The following ENOX1 variants were observed in gnomAD, a reference collection of about 807,000 sequenced individuals.
ENOX1 encodes the protein ecto-NOX disulfide-thiol exchanger 1.
ENOX1 carries 42 observed loss-of-function variants against 82.5 expected under a neutral mutation model. The observed-to-expected ratio is 0.51, with a 90% CI of 0.40 to 0.66. ENOX1 has a LOEUF of 0.66. Ranked by LOEUF, ENOX1 falls within the 30% of genes least tolerant of loss-of-function variation. The pLI is 0.00. For missense variants in ENOX1, 608 were observed against 811.6 expected (o/e 0.75, Z 3.05); for synonymous variants, 271 against 282.2 (o/e 0.96, Z 0.40).
At chr13:43,417,949 C>A (rs1279850190) in intron 3 of ENOX1, among the ~76,000 whole-genome samples, 1 of 152,182 alleles carries the variant, frequency 6.6e-6, no homozygotes, top group Non-Finnish European at 1.5e-5. Flanking sequence ...TGACTCACAC[C>A]TGTAATCCCA....
At chr13:43,565,927 A>AAT (rs2079897473) in intron 2 of ENOX1, among the ~76,000 whole-genome samples, 1 of 152,174 alleles carries the variant, frequency 6.6e-6, no homozygotes, top group Non-Finnish European at 1.5e-5. Context: ...ATAGAAAATG[A>AAT]ATCTCACTGG....
chr13:43,373,420 G>C (rs2051381181), intron 5 of ENOX1, among the ~76,000 whole-genome samples: 1 of 152,078 alleles, frequency 6.6e-6, no homozygotes, highest in African/African-American at 2.4e-5. Context: ...TTTCCTCTCT[G>C]CTTTTTCTGC....
intron 11 of ENOX1, among the ~76,000 whole-genome samples, chr13:43,312,352 T>C (rs1335335844): frequency 6.6e-6 from 1 of 152,160 alleles, no homozygotes; most frequent in Non-Finnish European, 1.5e-5. Flanking sequence ...GGCACTTCAA[T>C]AAGTCTTGAA....
intron 13 of ENOX1, among the ~76,000 whole-genome samples, chr13:43,266,339 A>G (rs373874055): frequency 6.6e-6 from 1 of 152,192 alleles, no homozygotes; most frequent in East Asian, 1.9e-4. Flanking sequence ...ATATACCACC[A>G]ATGTGTTTGA....
chr13:43,421,517 G>T (rs1267080374), intron 3 of ENOX1, among the ~76,000 whole-genome samples: 1 of 152,138 alleles, frequency 6.6e-6, no homozygotes, highest in African/African-American at 2.4e-5. Flanking sequence ...GACCATCTGT[G>T]TTTATAAAAT....
intron 2 of ENOX1, among the ~76,000 whole-genome samples, chr13:43,621,508 T>C (rs1233991494): frequency 6.6e-6 from 1 of 152,220 alleles, no homozygotes; most frequent in African/African-American, 2.4e-5. Context: ...CCTTCATATA[T>C]AATGCTTAGT....
chr13:43,510,978 G>A (rs375908506), intron 2 of ENOX1, among the ~76,000 whole-genome samples: 139 of 152,166 alleles, frequency 9.1e-4, no homozygotes, highest in Non-Finnish European at 1.8e-3. Flanking sequence ...TCCATACTGC[G>A]AACTTTTTCT....
intron 14 of ENOX1, among the ~76,000 whole-genome samples, chr13:43,258,750 C>A (rs959879510): frequency 4.6e-5 from 7 of 152,058 alleles, no homozygotes; most frequent in African/African-American, 1.7e-4. Context: ...CTGTACCACT[C>A]ATTGTGCCCC....
At chr13:43,677,113 T>A (rs2153794409) in intron 1 of ENOX1, among the ~76,000 whole-genome samples, 1 of 152,122 alleles carries the variant, frequency 6.6e-6, no homozygotes, top group Non-Finnish European at 1.5e-5. Context: ...CTTTCCCATT[T>A]TCTCATATCA....
rs143055724 is a variant in ENOX1 at position 43,509,521 on chromosome 13, C to G, written c.-218-25369G>C. 7.6e-3 allele frequency among the ~76,000 whole-genome samples: 1,152 copies of G among 152,186 alleles called. 12 individuals are homozygous for G. The highest frequency in any genetic ancestry group is 0.026 in the African/African-American group (1,081 of 41,550). ...TTTTTTGAAGCATAGTGGGATACAA[C>G]AGAATTGTCACTTAAAATTTGGAAT... On this transcript the variant is annotated intron_variant, in intron 2 of 16. Coordinates refer to ENST00000690772, the MANE Select transcript of ENOX1 (RefSeq NM_001347969.2).
At chr13:43,345,404 C>T (rs541090613) in intron 8 of ENOX1, among the ~76,000 whole-genome samples, 3 of 152,012 alleles carry the variant, frequency 2.0e-5, no homozygotes, top group Non-Finnish European at 4.4e-5. Flanking sequence ...TGAAGTGTTC[C>T]GTGTTTGCTT....
At chr13:43,637,819 A>G (rs2083471105) in intron 2 of ENOX1, among the ~76,000 whole-genome samples, 1 of 152,196 alleles carries the variant, frequency 6.6e-6, no homozygotes, top group Non-Finnish European at 1.5e-5. Flanking sequence ...TGAAAATGAC[A>G]GACACATTTC....
At chr13:43,369,696 C>G (rs2051090251) in intron 5 of ENOX1, among the ~76,000 whole-genome samples, 1 of 152,240 alleles carries the variant, frequency 6.6e-6, no homozygotes. Flanking sequence ...CTCCTCCTGT[C>G]TTGAATTTCT....
intron 5 of ENOX1, among the ~76,000 whole-genome samples, chr13:43,380,946 T>A (rs1229980891): frequency 6.6e-6 from 1 of 151,770 alleles, no homozygotes; most frequent in Non-Finnish European, 1.5e-5. Flanking sequence ...AGTAGATGAA[T>A]CCACAATTAA....
intron 5 of ENOX1, among the ~76,000 whole-genome samples, chr13:43,366,911 A>G (rs2050883954): frequency 6.6e-6 from 1 of 152,250 alleles, no homozygotes; most frequent in Non-Finnish European, 1.5e-5. Flanking sequence ...TACTCAATAA[A>G]TGGTAGCAAT....
intron 3 of ENOX1, among the ~76,000 whole-genome samples, chr13:43,423,254 G>A (rs1008377621): frequency 5.9e-5 from 9 of 151,938 alleles, no homozygotes; most frequent in African/African-American, 2.2e-4. Flanking sequence ...GTCATATGTT[G>A]TTGTTTTCTA....
chr13:43,324,486 A>G (rs559554925), intron 10 of ENOX1, among the ~76,000 whole-genome samples: 128 of 152,338 alleles, frequency 8.4e-4, no homozygotes, highest in African/African-American at 3.0e-3. Context: ...AATGTGGGAA[A>G]AAATCAAGCC....
chr13:43,422,983 T>G (rs1385472534), intron 3 of ENOX1, among the ~76,000 whole-genome samples: 1 of 152,150 alleles, frequency 6.6e-6, no homozygotes. Context: ...TATGGTAATA[T>G]GTAGGGATTG....
chr13:43,221,734 G>A (rs551209877), intron 16 of ENOX1, among the ~76,000 whole-genome samples: 6 of 152,254 alleles, frequency 3.9e-5, no homozygotes, highest in Non-Finnish European at 7.4e-5. Flanking sequence ...GTACATGCCC[G>A]GCATAATTTA....
Sources: allele counts gnomAD v4.1 joint callset (sites outside exome capture counted in the v4.1 genomes callset), GRCh38; gene constraint gnomAD v4.1.1; transcripts MANE v1.5; gene names NCBI Gene and HGNC (gene_info 2026-07-23, HGNC 2026-07-21).